Variants in BANP observed in about 807,000 individuals in gnomAD.
BANP encodes the protein protein BANP.
In BANP, 11 loss-of-function variants were observed where a neutral mutation model predicts 68.1. That is an observed-to-expected ratio of 0.16 (90% confidence interval 0.10 to 0.27). The LOEUF (loss-of-function observed/expected upper bound fraction) is 0.27. BANP is among the 10% of genes least tolerant of loss of function. The pLI, the probability that BANP is intolerant of heterozygous loss-of-function variation, is 1.00. For synonymous variants in BANP, 329 were observed against 303.2 expected (o/e 1.09, Z -0.88); for missense variants, 504 against 722.7 (o/e 0.70, Z 3.47).
At chr16:88,026,826 A>T (rs1466569208) in intron 7 of BANP, among the ~76,000 whole-genome samples, 1 of 152,274 alleles carries the variant, frequency 6.6e-6, no homozygotes, top group East Asian at 1.9e-4. Flanking sequence ...GAACAGTAAC[A>T]ATACACACCT....
At chr16:88,007,027 T>A (rs2071425593) in intron 6 of BANP, among the ~76,000 whole-genome samples, 1 of 151,862 alleles carries the variant, frequency 6.6e-6, no homozygotes, top group Admixed American at 6.6e-5. Context: ...GATCCCACCA[T>A]TCTGAGATCT....
intron 1 of BANP, among the ~76,000 whole-genome samples, chr16:87,951,852 C>T (rs765294801): frequency 2.6e-4 from 39 of 152,252 alleles, no homozygotes; most frequent in Middle Eastern, 6.8e-3. Flanking sequence ...GGACCCGGAG[C>T]CACGGCGGGG....
intron 10 of BANP, 96 bp downstream of exon 10, chr16:88,035,490 C>A (rs2079111995): frequency 1.6e-6 from 2 of 1,224,744 alleles, no homozygotes; most frequent in South Asian, 2.7e-5. Context: ...AGCAGGGAGC[C>A]CCCAGGACAG....
Position 88,039,625 on chromosome 16 carries a change from C to T in BANP, c.1311+1614C>T, listed in dbSNP as rs2080256675. On this transcript the variant is annotated intron_variant, in intron 11 of 13. Transcript: ENST00000682872. ...TTTACACTGTATTACTGCAGTGCTT[C>T]TGTTTATGATTGTAGACAGAATTCT... Among the ~76,000 whole-genome samples, 2 of 141,978 alleles carry T rather than the reference C, an allele frequency of 1.4e-5. 1 individual carries two copies. Among genetic ancestry groups the T allele is most frequent in the South Asian group, 4.8e-4 (2 of 4,146 alleles). 93.1% of individuals were successfully genotyped at this position (141,978 alleles called of 152,430 possible). A position where few individuals can be genotyped will look rare whatever the true frequency, so the allele number is the denominator to read the frequency against.
At chr16:88,029,476 T>C (rs1339206223) in intron 8 of BANP, among the ~76,000 whole-genome samples, 1 of 151,764 alleles carries the variant, frequency 6.6e-6, no homozygotes, top group African/African-American at 2.4e-5. Context: ...CCGGGCGTGG[T>C]GGCTGGCGCC....
chr16:87,974,195 A>G (rs1052835881), intron 1 of BANP, among the ~76,000 whole-genome samples: 2 of 152,230 alleles, frequency 1.3e-5, no homozygotes, highest in South Asian at 2.1e-4. Flanking sequence ...CCTCATTTCT[A>G]CGGCATCCTA....
intron 11 of BANP, among the ~76,000 whole-genome samples, chr16:88,049,825 C>T (rs764951420): frequency 2.1e-4 from 32 of 152,306 alleles, no homozygotes; most frequent in East Asian, 1.4e-3. Context: ...CGGCATCCGA[C>T]GAACACCAGA....
chr16:88,063,638 G>A (rs193048012), intron 11 of BANP, among the ~76,000 whole-genome samples: 29 of 152,310 alleles, frequency 1.9e-4, no homozygotes, highest in African/African-American at 6.3e-4. Flanking sequence ...GATCACAGCT[G>A]TTCTTAATGA....
intron 4 of BANP, among the ~76,000 whole-genome samples, chr16:87,988,757 C>T (rs976665366): frequency 6.6e-6 from 1 of 152,130 alleles, no homozygotes; most frequent in Non-Finnish European, 1.5e-5. Context: ...TGTGACGAGG[C>T]CCCCGGAGAG....
At chr16:88,030,872 G>T (rs1382884911) in intron 8 of BANP, among the ~76,000 whole-genome samples, 1 of 152,232 alleles carries the variant, frequency 6.6e-6, no homozygotes, top group Non-Finnish European at 1.5e-5. Context: ...GGTGGCAGTG[G>T]GCTGGAAACC....
At chr16:88,024,108 A>AGCAGGGGCT (rs1448740695) in intron 7 of BANP, among the ~76,000 whole-genome samples, 1 of 152,166 alleles carries the variant, frequency 6.6e-6, no homozygotes, top group African/African-American at 2.4e-5. Flanking sequence ...GGCCTCCCAG[A>AGCAGGGGCT]GCAGGGGCTG....
chr16:87,975,761 G>A (rs887338801), intron 2 of BANP, among the ~76,000 whole-genome samples: 2 of 149,170 alleles, frequency 1.3e-5, no homozygotes, highest in African/African-American at 2.5e-5. Flanking sequence ...TCCCCTGTGC[G>A]TGGTGTCATG....
At chr16:88,049,856 G>A (rs2082848834) in intron 11 of BANP, among the ~76,000 whole-genome samples, 1 of 152,238 alleles carries the variant, frequency 6.6e-6, no homozygotes, top group African/African-American at 2.4e-5. Flanking sequence ...GCGTTTCAGT[G>A]TGCCAGAAGG....
chr16:87,978,305 G>A (rs1005742728), intron 2 of BANP: 3 of 199,776 alleles, frequency 1.5e-5, no homozygotes, highest in Admixed American at 5.4e-5. Flanking sequence ...GTTACTGCAC[G>A]CCTCTCTTCT....
intron 11 of BANP, among the ~76,000 whole-genome samples, chr16:88,061,825 C>T (rs1007731261): frequency 2.0e-5 from 3 of 152,046 alleles, no homozygotes; most frequent in Non-Finnish European, 4.4e-5. Flanking sequence ...ACCACCATGC[C>T]CGGCTAATTT....
chr16:87,962,650 C>T (rs6540127), intron 1 of BANP, among the ~76,000 whole-genome samples: 102,531 of 152,030 alleles, frequency 0.67, 35,372 homozygotes, highest in African/African-American at 0.8. Context: ...AATTTTTCCT[C>T]CCTTTCCCCC....
intron 7 of BANP, among the ~76,000 whole-genome samples, chr16:88,023,408 T>C (rs1387777318): frequency 2.0e-5 from 3 of 152,178 alleles, no homozygotes. Flanking sequence ...GCATGGGGCG[T>C]GAGCTGTGTA....
intron 4 of BANP, among the ~76,000 whole-genome samples, chr16:87,984,674 AT>A (rs1178401704): frequency 6.6e-6 from 1 of 152,206 alleles, no homozygotes; most frequent in Non-Finnish European, 1.5e-5. Context: ...TATTTTGCTT[AT>A]TTTTAAAAAG....
intron 1 of BANP, among the ~76,000 whole-genome samples, chr16:87,961,087 G>A (rs900820827): frequency 2.6e-5 from 4 of 152,188 alleles, no homozygotes; most frequent in Non-Finnish European, 5.9e-5. Context: ...GCGGGATCAC[G>A]CCTGGGTAAA....
Sources: gnomAD v4.1 joint callset for allele counts (sites outside exome capture counted in the v4.1 genomes callset) on GRCh38, gnomAD v4.1.1 for gene constraint, MANE v1.5 for transcripts, NCBI Gene and HGNC (gene_info 2026-07-23, HGNC 2026-07-21) for gene names.